Variants in RAB6B observed in about 807,000 individuals in gnomAD.
RAB6B encodes RAB6B, member RAS oncogene family.
Under a neutral mutation model 31.2 loss-of-function variants are expected in RAB6B, and 7 were observed. The observed-to-expected ratio is 0.22, with a 90% CI of 0.13 to 0.42. The LOEUF (loss-of-function observed/expected upper bound fraction) is 0.42. Ranked by LOEUF, RAB6B falls within the 10% of genes least tolerant of loss-of-function variation. RAB6B has a pLI of 1.00. For missense variants in RAB6B, 149 were observed against 280.6 expected (o/e 0.53, Z 3.35); for synonymous variants, 105 against 104.9 (o/e 1.00, Z -0.01).
chr3:133,876,321 G>A (rs145495785), intron 1 of RAB6B, among the ~76,000 whole-genome samples: 10 of 152,070 alleles, frequency 6.6e-5, no homozygotes, highest in African/African-American at 4.8e-5. Context: ...TGTCTCCCCC[G>A]GACCAGTTCT....
At chr3:133,864,119 C>CAT (rs1553747850) in intron 2 of RAB6B, among the ~76,000 whole-genome samples, 5 of 134,618 alleles carry the variant, frequency 3.7e-5, no homozygotes, top group East Asian at 2.8e-4. Flanking sequence ...CCTCAGCAAC[C>CAT]GTGTGTGTGT....
chr3:133,832,874 C>G (rs139950786), intron 7 of RAB6B, among the ~76,000 whole-genome samples: 91 of 152,320 alleles, frequency 6.0e-4, no homozygotes, highest in Middle Eastern at 3.4e-3. Context: ...GGATGAAACG[C>G]TAGGCATACC....
chr3:133,834,264 C>G (rs1369121979), intron 7 of RAB6B, among the ~76,000 whole-genome samples: 2 of 152,174 alleles, frequency 1.3e-5, no homozygotes, highest in African/African-American at 2.4e-5. Context: ...TCATGAAACC[C>G]ATAAACATGC....
In RAB6B at chr3:133,825,040, C is replaced by G. The variant is rs149306628; in HGVS notation, c.*3748G>C. 17 of 152,312 alleles carry G rather than the reference C, an allele frequency of 1.1e-4. No homozygotes were observed. The highest frequency in any genetic ancestry group is 3.8e-4 in the African/African-American group (16 of 41,562). The allele number at this position is 152,312 out of a possible 1,614,324, so 9.4% of individuals were successfully genotyped here. ...TAACAAGGTGACAATGCCTCACATT[C>G]TTTGGGGAGAGGCAGTTCGGAAACG... On this transcript the variant is annotated 3_prime_UTR_variant, in exon 8 of 8. Coordinates refer to ENST00000285208, the MANE Select transcript of RAB6B (RefSeq NM_016577.4).
intron 2 of RAB6B, among the ~76,000 whole-genome samples, chr3:133,862,040 C>A (rs1244607564): frequency 2.6e-5 from 4 of 152,080 alleles, no homozygotes; most frequent in African/African-American, 9.7e-5. Context: ...TAAAATGAGC[C>A]TCTGTATACA....
intron 1 of RAB6B, among the ~76,000 whole-genome samples, chr3:133,870,867 T>C (rs1361464256): frequency 2.0e-5 from 3 of 152,240 alleles, no homozygotes; most frequent in Non-Finnish European, 1.5e-5. Context: ...TGCACATCCA[T>C]GGGGATGTCC....
chr3:133,889,550 T>C (rs1936608789), intron 1 of RAB6B, among the ~76,000 whole-genome samples: 2 of 151,262 alleles, frequency 1.3e-5, no homozygotes, highest in South Asian at 4.2e-4. Flanking sequence ...TTCTCCTGCC[T>C]CAGGTTCCCA....
In RAB6B at chr3:133,895,567, C is replaced by A; in HGVS notation, c.-101G>T. 7 of 1,230,330 alleles carry A rather than the reference C, an allele frequency of 5.7e-6. No individual in the cohort carries two copies. Among genetic ancestry groups the A allele is most frequent in the Non-Finnish European group, 8.1e-6 (7 of 859,880 alleles). 76.2% of individuals were successfully genotyped at this position (1,230,330 alleles called of 1,614,324 possible). On this transcript the variant is annotated 5_prime_UTR_variant, in exon 1 of 8. Coordinates refer to ENST00000285208, the MANE Select transcript of RAB6B (RefSeq NM_016577.4). The stretch of plus-strand genomic sequence containing the variant: ...GGGGAGGCGGCCGGCGGTGCGGGAG[C>A]CGGAGGGGGAAGGGCTGGCTGCGCG...
chr3:133,848,753 CTT>C (rs1249421705), intron 2 of RAB6B, among the ~76,000 whole-genome samples: 33 of 145,304 alleles, frequency 2.3e-4, no homozygotes, highest in Admixed American at 3.5e-4. Context: ...AAAGGCTCCA[CTT>C]TTTTTTTTTT....
Position 133,827,746 on chromosome 3 carries a change from A to AGCCCCC in RAB6B, c.*1041_*1042insGGGGGC. ...TCAAGGTGGTGGTTCTGCAGACAAC[A>AGCCCCC]CCCCCCCCCCCCCCCGCCTCCCCAT... On this transcript the variant is annotated 3_prime_UTR_variant, in exon 8 of 8. Transcript: ENST00000285208. The AGCCCCC allele has an allele frequency of 1.4e-5, 1 of 72,114 alleles. No homozygotes were observed. Among genetic ancestry groups the AGCCCCC allele is most frequent in the South Asian group, 1.2e-4 (1 of 8,432 alleles). The allele number at this position is 72,114 out of a possible 1,614,324, so 4.5% of individuals were successfully genotyped here. A position where few individuals can be genotyped will look rare whatever the true frequency, so the allele number is the denominator to read the frequency against.
At chr3:133,875,454 C>A (rs1340652290) in intron 1 of RAB6B, among the ~76,000 whole-genome samples, 1 of 152,122 alleles carries the variant, frequency 6.6e-6, no homozygotes, top group African/African-American at 2.4e-5. Context: ...TTAGAGGGTA[C>A]AAATTTGCAG....
rs768417741 is a variant in RAB6B, at chr3:133,838,211, G to A, written c.450C>T (p.Val150=). ...EGEQRAKELS[V]MFIETSAKTG... is the part of the protein sequence containing the mutation. ...TCTTCGCACTGGTCTCAATGAACAT[G>A]ACGCTCAGTTCTTTGGCGCGCTGCT... The change falls in exon 6 of 8, where the codon GTC becomes GTT. Residue 150 remains valine (V), a synonymous_variant. Transcript: ENST00000285208. 6.2e-7 allele frequency: 1 copy of A among 1,614,208 alleles called. No individual in the cohort carries two copies. The highest frequency in any genetic ancestry group is 1.7e-5 in the Admixed American group (1 of 60,030).
chr3:133,848,917 C>CT (rs1385379281), intron 2 of RAB6B, among the ~76,000 whole-genome samples: 1 of 152,204 alleles, frequency 6.6e-6, no homozygotes, highest in Non-Finnish European at 1.5e-5. Flanking sequence ...TCTACTGCCT[C>CT]TAAGAGATAG....
At chr3:133,875,743 G>C (rs975166606) in intron 1 of RAB6B, among the ~76,000 whole-genome samples, 4 of 152,126 alleles carry the variant, frequency 2.6e-5, no homozygotes, top group Non-Finnish European at 5.9e-5. Context: ...CAGGGCACTA[G>C]GGACAATCCA....
At chr3:133,843,439 T>C (rs1935865760) in intron 2 of RAB6B, among the ~76,000 whole-genome samples, 1 of 152,194 alleles carries the variant, frequency 6.6e-6, no homozygotes, top group Non-Finnish European at 1.5e-5. Context: ...AGATTGACAA[T>C]CCTTGTCTTC....
chr3:133,868,579 C>T (rs1056451402), intron 1 of RAB6B, among the ~76,000 whole-genome samples: 4 of 152,240 alleles, frequency 2.6e-5, no homozygotes, highest in Admixed American at 2.6e-4. Flanking sequence ...GATTCAGCTC[C>T]ACTGGCAGGT....
At chr3:133,835,074 T>TG in intron 6 of RAB6B, among the ~76,000 whole-genome samples, 1 of 151,042 alleles carries the variant, frequency 6.6e-6, no homozygotes, top group Non-Finnish European at 1.5e-5. Flanking sequence ...TGACTCTGCT[T>TG]GGGGAGCCCT....
chr3:133,840,515 G>A (rs1935810416), intron 4 of RAB6B, among the ~76,000 whole-genome samples: 1 of 152,238 alleles, frequency 6.6e-6, no homozygotes, highest in Non-Finnish European at 1.5e-5. Context: ...GAAGGGGTGG[G>A]CAGAGCCAGG....
At position 133,827,779 on chromosome 3, in the gene RAB6B, G is replaced by C. The variant is rs1340176754; in HGVS notation, c.*1009C>G. 2.0e-5 allele frequency: 3 copies of C among 148,522 alleles called. No individual in the cohort carries two copies. Among genetic ancestry groups the C allele is most frequent in the Non-Finnish European group, 4.5e-5 (3 of 66,756 alleles). The allele number at this position is 148,522 out of a possible 1,614,324, so 9.2% of individuals were successfully genotyped here. On this transcript the variant is annotated 3_prime_UTR_variant, in exon 8 of 8. Transcript: ENST00000285208. ...CCCCCCCCGCCTCCCCATCACAGAG[G>C]ATCAACTCCAGGTGGTCCAGCTTCC...
Sources: allele counts gnomAD v4.1 joint callset (sites outside exome capture counted in the v4.1 genomes callset), GRCh38; gene constraint gnomAD v4.1.1; transcripts MANE v1.5; gene names NCBI Gene and HGNC (gene_info 2026-07-23, HGNC 2026-07-21).